PAK1: variants seen among roughly 807,000 people sequenced by gnomAD.
PAK1 encodes serine/threonine-protein kinase PAK 1.
In PAK1, 29 loss-of-function variants were observed where a neutral mutation model predicts 67.4. The ratio of observed to expected loss-of-function variants is 0.43; its 90% CI spans 0.32 to 0.59. The LOEUF is 0.59. Among genes scored for constraint, PAK1 ranks in the 20% least tolerant of loss-of-function variants. The pLI, the probability that PAK1 is intolerant of heterozygous loss-of-function variation, is 0.07. For missense variants in PAK1, 337 were observed against 670.7 expected, an observed-to-expected ratio of 0.50 and a Z score of 5.50; for synonymous variants, 223 against 237.4, an observed-to-expected ratio of 0.94 and a Z score of 0.56.
chr11:77,390,663 CTTT>C (rs56816970), intron 2 of PAK1, among the ~76,000 whole-genome samples: 3 of 132,752 alleles, frequency 2.3e-5, no homozygotes, highest in Non-Finnish European at 3.2e-5. Context: ...TGCCCGACTC[CTTT>C]TTTTTTTTTT....
At chr11:77,490,395 C>T in the PAK1 span, among the ~76,000 whole-genome samples, 1 of 147,570 alleles carries the variant, frequency 6.8e-6, no homozygotes. Context: ...TCTGCCTGGC[C>T]GCCCCTACTG....
At chr11:77,323,969 T>G (rs746714317) in intron 14 of PAK1, among the ~76,000 whole-genome samples, 2 of 152,192 alleles carry the variant, frequency 1.3e-5, no homozygotes, top group African/African-American at 4.8e-5. Context: ...TTAGGAGCAT[T>G]GATCTAGGAA....
At chr11:77,342,174 A>G (rs1358203261) in intron 10 of PAK1, among the ~76,000 whole-genome samples, 3 of 152,006 alleles carry the variant, frequency 2.0e-5, no homozygotes, top group Non-Finnish European at 4.4e-5. Flanking sequence ...CTCATTTGCA[A>G]CACCTTCACT....
At chr11:77,397,140 T>C (rs948818605) in intron 1 of PAK1, 3 of 152,138 alleles carry the variant, frequency 2.0e-5, no homozygotes, top group Non-Finnish European at 2.9e-5. Context: ...ACAGCTCAGA[T>C]AGCACCATTC....
chr11:77,506,262 C>CA, the PAK1 span, among the ~76,000 whole-genome samples: 2 of 152,268 alleles, frequency 1.3e-5, no homozygotes, highest in East Asian at 3.9e-4. Flanking sequence ...CAGGGCTTTG[C>CA]ATGAAGTAAC....
intron 8 of PAK1, 133 bp from the exon 9 acceptor site, chr11:77,349,420 G>A: frequency 1.4e-6 from 1 of 713,908 alleles, no homozygotes. Context: ...TCTCCCTGCA[G>A]CATCCATTCT....
At chr11:77,337,048 T>C (rs1591731387) in intron 12 of PAK1, among the ~76,000 whole-genome samples, 2 of 149,184 alleles carry the variant, frequency 1.3e-5, no homozygotes, top group Non-Finnish European at 1.5e-5. Flanking sequence ...ATTGAGAAGG[T>C]AGGGAAAATT....
At chr11:77,470,150 G>C (rs993289947) in intron 1 of PAK1, among the ~76,000 whole-genome samples, 1 of 152,094 alleles carries the variant, frequency 6.6e-6, no homozygotes, top group African/African-American at 2.4e-5. Flanking sequence ...ATTAAAACCA[G>C]CAACAACAGA....
chr11:77,331,941 C>T (rs769911675), intron 14 of PAK1, among the ~76,000 whole-genome samples: 1 of 152,018 alleles, frequency 6.6e-6, no homozygotes, highest in Admixed American at 6.6e-5. Flanking sequence ...GTCAGAGACC[C>T]GTTTCTCAAC....
At chr11:77,435,831 T>A (rs1406084146) in intron 1 of PAK1, among the ~76,000 whole-genome samples, 1 of 152,064 alleles carries the variant, frequency 6.6e-6, no homozygotes, top group Non-Finnish European at 1.5e-5. Context: ...TTAATAGACA[T>A]CCCTTATCAC....
intron 5 of PAK1, among the ~76,000 whole-genome samples, chr11:77,373,861 G>A (rs1021599646): frequency 6.6e-6 from 1 of 152,164 alleles, no homozygotes; most frequent in Non-Finnish European, 1.5e-5. Context: ...TGGTTTTGCA[G>A]ACTCCATAGA....
At chr11:77,524,333 G>C in the PAK1 span, among the ~76,000 whole-genome samples, 2 of 152,282 alleles carry the variant, frequency 1.3e-5, no homozygotes, top group South Asian at 4.1e-4. Flanking sequence ...GGGACTTACA[G>C]TTCCCAGAAC....
rs11324143 is a variant in PAK1 at position 77,324,172 on chromosome 11, C to CTTT, written c.1552-815_1552-813dup. Among the ~76,000 whole-genome samples, 1,043 of 127,422 alleles carry CTTT rather than the reference C, an allele frequency of 8.2e-3. 42 individuals are homozygous for CTTT. The highest frequency in any genetic ancestry group is 0.03 in the African/African-American group (968 of 31,984). The allele number at this position is 127,422 out of a possible 152,430, so 83.6% of individuals were successfully genotyped here. ...GTAAAACTGTTACAGAAAGCAATTCCTTTTTTTTTTTTTTTTTTGAGACGG... is the reference window on the plus strand; with the variant it reads ...GTAAAACTGTTACAGAAAGCAATTCCTTTTTTTTTTTTTTTTTTTTTGAGACGG... On this transcript the variant is annotated intron_variant, in intron 14 of 14. Transcript: ENST00000356341.
chr11:77,414,227 C>T (rs1242642283), intron 1 of PAK1, among the ~76,000 whole-genome samples: 1 of 152,224 alleles, frequency 6.6e-6, no homozygotes, highest in Non-Finnish European at 1.5e-5. Flanking sequence ...TTCTTTTAGT[C>T]GTTTGTTCAT....
intron 1 of PAK1, among the ~76,000 whole-genome samples, chr11:77,423,441 A>ACACC (rs1555170144): frequency 9.3e-5 from 13 of 139,474 alleles, no homozygotes; most frequent in South Asian, 2.2e-4. Context: ...ACACACACAC[A>ACACC]CCCCTTAGGA....
At chr11:77,382,696 T>C (rs956075895) in intron 2 of PAK1, among the ~76,000 whole-genome samples, 13 of 152,232 alleles carry the variant, frequency 8.5e-5, no homozygotes, top group African/African-American at 3.1e-4. Flanking sequence ...TGAAGAACAC[T>C]CTAGAAAATA....
the PAK1 span, among the ~76,000 whole-genome samples, chr11:77,490,456 T>TG: frequency 3.3e-5 from 3 of 90,526 alleles, no homozygotes; most frequent in Admixed American, 1.2e-4. Flanking sequence ...GGGAGGGAGG[T>TG]GGGGGGGTCA....
the PAK1 span, among the ~76,000 whole-genome samples, chr11:77,489,824 C>T: frequency 5.3e-5 from 8 of 152,236 alleles, no homozygotes; most frequent in South Asian, 2.1e-4. Context: ...AGCAGCCTGC[C>T]TTGGCCTCCC....
At chr11:77,363,637 A>T (rs893666842) in intron 5 of PAK1, among the ~76,000 whole-genome samples, 3 of 152,150 alleles carry the variant, frequency 2.0e-5, no homozygotes, top group African/African-American at 4.8e-5. Context: ...TCTCTAATGC[A>T]TCTTTTATTA....
Sources: allele counts gnomAD v4.1 joint callset (sites outside exome capture counted in the v4.1 genomes callset), GRCh38; gene constraint gnomAD v4.1.1; transcripts MANE v1.5; gene names NCBI Gene and HGNC (gene_info 2026-07-23, HGNC 2026-07-21).